ADAM20: variants seen among roughly 807,000 people sequenced by gnomAD.
ADAM20 encodes the protein ADAM metallopeptidase domain 20.
For missense variants in ADAM20, 871 were observed against 883.2 expected (o/e 0.99, Z 0.18); for synonymous variants, 305 against 310.2 (o/e 0.98, Z 0.18).
intron 1 of ADAM20, 146 bp from the exon 2 acceptor site, chr14:70,525,079 G>T: frequency 1.4e-6 from 1 of 689,824 alleles, no homozygotes; most frequent in Non-Finnish European, 2.3e-6. Flanking sequence ...AAGATTTCCA[G>T]ATAGGGGAGA....
chr14:70,543,861 C>T, the ADAM20 span, among the ~76,000 whole-genome samples: 1 of 152,208 alleles, frequency 6.6e-6, no homozygotes, highest in African/African-American at 2.4e-5. Flanking sequence ...TCTAGATTGA[C>T]AGAGCAGGAG....
rs766390694 is a variant in ADAM20 at position 70,523,743 on chromosome 14, T to C, written c.1015A>G (p.Thr339Ala). Residue 339 changes from threonine (T) to alanine (A), a missense_variant, in exon 2 of 2, where the codon ACT (threonine) becomes GCT (alanine). Thr to Ala is a moderately conservative substitution (Grantham distance 58, BLOSUM62 0). Coordinates refer to ENST00000256389, the MANE Select transcript of ADAM20 (RefSeq NM_003814.5). ...EDNRLVVFAI[T>A]LGHELGHNLG... ...TTATGACCAAGCTCGTGGCCCAAAGTAATTGCAAAAACGACCAACCTGTTG... is the reference window on the plus strand; with the variant it reads ...TTATGACCAAGCTCGTGGCCCAAAGCAATTGCAAAAACGACCAACCTGTTG... 3 of 1,613,932 alleles carry C rather than the reference T, an allele frequency of 1.9e-6. No homozygotes were observed. The highest frequency in any genetic ancestry group is 3.3e-5 in the Admixed American group (2 of 59,956).
chr14:70,576,565 T>G, the ADAM20 span, among the ~76,000 whole-genome samples: 2 of 152,158 alleles, frequency 1.3e-5, no homozygotes, highest in Admixed American at 6.5e-5. Context: ...CATTCATTCA[T>G]GTACTCAATA....
intron 1 of ADAM20, among the ~76,000 whole-genome samples, chr14:70,533,578 C>T (rs931314477): frequency 1.3e-5 from 2 of 152,006 alleles, no homozygotes; most frequent in Admixed American, 6.6e-5. Context: ...GGGAGAAGAA[C>T]ATCACACACC....
At chr14:70,545,953 C>T in the ADAM20 span, among the ~76,000 whole-genome samples, 1 of 152,076 alleles carries the variant, frequency 6.6e-6, no homozygotes, top group East Asian at 1.9e-4. Flanking sequence ...AAGGACAAGA[C>T]CACAAAACAA....
chr14:70,549,165 G>A, the ADAM20 span, among the ~76,000 whole-genome samples: 1 of 100,938 alleles, frequency 9.9e-6, no homozygotes, highest in African/African-American at 4.3e-5. Flanking sequence ...CGCTAAACAT[G>A]GAAAGGAATA....
At chr14:70,538,350 T>C (rs1883878653), upstream of ADAM20, among the ~76,000 whole-genome samples, 1 of 152,184 alleles carries the variant, frequency 6.6e-6, no homozygotes, top group Non-Finnish European at 1.5e-5. Flanking sequence ...CCCCTCATTA[T>C]CTCAGGGAAT....
chr14:70,559,803 G>A, the ADAM20 span, among the ~76,000 whole-genome samples: 1 of 151,214 alleles, frequency 6.6e-6, no homozygotes, highest in African/African-American at 2.4e-5. Context: ...GTAGATGGAG[G>A]GAAGGAAAGC....
chr14:70,546,899 A>G, the ADAM20 span, among the ~76,000 whole-genome samples: 1 of 152,136 alleles, frequency 6.6e-6, no homozygotes, highest in Non-Finnish European at 1.5e-5. Context: ...AACAACAACA[A>G]CAACAACAAA....
upstream of ADAM20, among the ~76,000 whole-genome samples, chr14:70,537,358 A>G (rs1377086789): frequency 2.6e-5 from 4 of 151,728 alleles, no homozygotes; most frequent in African/African-American, 9.7e-5. Flanking sequence ...CTTTCCTCAT[A>G]CTTCCTTCAC....
chr14:70,542,524 C>G, the ADAM20 span, among the ~76,000 whole-genome samples: 2 of 152,160 alleles, frequency 1.3e-5, no homozygotes, highest in South Asian at 4.1e-4. Context: ...CTTGGAACCT[C>G]AAGAGGAGAT....
chr14:70,574,282 AC>A, the ADAM20 span, among the ~76,000 whole-genome samples: 23 of 152,332 alleles, frequency 1.5e-4, no homozygotes, highest in East Asian at 4.2e-3. Flanking sequence ...TGAAAACACG[AC>A]ATACCAAAAT....
the ADAM20 span, among the ~76,000 whole-genome samples, chr14:70,568,214 C>T: frequency 1.3e-5 from 2 of 152,170 alleles, no homozygotes; most frequent in African/African-American, 2.4e-5. Context: ...TTCAATACAT[C>T]GCTACAACAA....
the ADAM20 span, among the ~76,000 whole-genome samples, chr14:70,540,038 G>A: frequency 3.9e-5 from 6 of 152,218 alleles, no homozygotes; most frequent in East Asian, 9.7e-4. Flanking sequence ...CGCAACACAC[G>A]CCCAACTAAT....
At chr14:70,559,980 T>A in the ADAM20 span, among the ~76,000 whole-genome samples, 1 of 152,348 alleles carries the variant, frequency 6.6e-6, no homozygotes, top group South Asian at 2.1e-4. Flanking sequence ...TATGTTATTG[T>A]GTCATCCATT....
chr14:70,535,967 G>A (rs138404257), upstream of ADAM20, among the ~76,000 whole-genome samples: 1,258 of 152,200 alleles, frequency 8.3e-3, 10 homozygotes, highest in African/African-American at 0.028. Context: ...GGTATAAAAC[G>A]CTTCATTCAG....
the ADAM20 span, among the ~76,000 whole-genome samples, chr14:70,563,186 C>T: frequency 6.6e-6 from 1 of 152,260 alleles, no homozygotes; most frequent in African/African-American, 2.4e-5. Context: ...AGGTCTAAGT[C>T]ACACACCCTT....
At chr14:70,574,654 A>G in the ADAM20 span, among the ~76,000 whole-genome samples, 2 of 152,110 alleles carry the variant, frequency 1.3e-5, no homozygotes, top group Non-Finnish European at 1.5e-5. Flanking sequence ...AAAAAAAGAA[A>G]GAAAGAAAGA....
rs763741227 is a variant in ADAM20 at position 70,522,549 on chromosome 14, T to C, written c.*28A>G. The C allele has an allele frequency of 1.3e-6, 2 of 1,512,794 alleles. No homozygotes were observed. The highest frequency in any genetic ancestry group is 2.8e-5 in the African/African-American group (2 of 71,232). 93.7% of individuals were successfully genotyped at this position (1,512,794 alleles called of 1,614,324 possible). A position where few individuals can be genotyped will look rare whatever the true frequency, so the allele number is the denominator to read the frequency against. The stretch of plus-strand genomic sequence containing the variant: ...TGGATATTAAAAATGAAGTATAAAG[T>C]TTAGTCTCCTTCTTTTTCCCATTTC... On this transcript the variant is annotated 3_prime_UTR_variant, in exon 2 of 2. Transcript: ENST00000256389.
Sources: allele counts gnomAD v4.1 joint callset (sites outside exome capture counted in the v4.1 genomes callset), GRCh38; gene constraint gnomAD v4.1.1; transcripts MANE v1.5; gene names NCBI Gene and HGNC (gene_info 2026-07-23, HGNC 2026-07-21).